The following HMGXB3 variants were observed in gnomAD, a reference collection of about 807,000 sequenced individuals.
HMGXB3 encodes HMG domain-containing protein 3.
A neutral mutation model predicts 121.5 loss-of-function variants in HMGXB3; 45 were observed. The observed-to-expected ratio is 0.37, with a 90% CI of 0.29 to 0.47. HMGXB3 has a LOEUF of 0.47. HMGXB3 is among the 20% of genes least tolerant of loss of function. The pLI is 0.99. For synonymous variants in HMGXB3, 590 were observed against 624.1 expected, an observed-to-expected ratio of 0.95 and a Z score of 0.81; for missense variants, 1,376 against 1,602.2, an observed-to-expected ratio of 0.86 and a Z score of 2.41.
intron 5 of HMGXB3, among the ~76,000 whole-genome samples, chr5:150,015,905 G>A (rs1486909509): frequency 5.9e-5 from 9 of 152,164 alleles, no homozygotes; most frequent in Non-Finnish European, 2.9e-5. Context: ...GGTCTGTCTT[G>A]ATAAATGTTA....
chr5:150,034,348 A>G (rs1437224111), intron 11 of HMGXB3, among the ~76,000 whole-genome samples: 1 of 152,196 alleles, frequency 6.6e-6, no homozygotes, highest in Non-Finnish European at 1.5e-5. Flanking sequence ...CCTGGAGCTT[A>G]CATATACAAA....
In HMGXB3 at chr5:150,041,925, G is replaced by T. The variant is rs1254654312; in HGVS notation, c.2686G>T (p.Ala896Ser). ...ICGVAPKVEM[A>S]QRSEENVLAL... Reference sequence around the variant, plus strand: ...TGGTGTGGCCCCCAAAGTGGAAATGGCTCAGAGGAGTGAAGAGAATGTGCT... The same window carrying T: ...TGGTGTGGCCCCCAAAGTGGAAATGTCTCAGAGGAGTGAAGAGAATGTGCT... The change falls in exon 15 of 20, where the codon GCT becomes TCT. Residue 896 changes from alanine to serine, a missense_variant. Physicochemically the swap from Ala to Ser is moderately conservative, Grantham distance 99. This residue lies in a region of HMGXB3 where 1,116 missense variants were observed against 1,369.0 expected (regional missense o/e 0.82). Transcript: ENST00000502717. 29 of 1,551,562 alleles carry T rather than the reference G, an allele frequency of 1.9e-5. 1 individual carries two copies. The Admixed American group carries it at 5.7e-4, about 30-fold the overall frequency.
chr5:150,036,115 A>G (rs749333282), intron 11 of HMGXB3, among the ~76,000 whole-genome samples: 4 of 152,212 alleles, frequency 2.6e-5, no homozygotes, highest in Non-Finnish European at 4.4e-5. Context: ...TGGCATATCC[A>G]GAACTGAAAC....
intron 6 of HMGXB3, chr5:150,021,952 C>T: frequency 2.2e-6 from 1 of 456,080 alleles, no homozygotes; most frequent in Non-Finnish European, 4.4e-6. Context: ...CCGACTTGTT[C>T]CTTGGCGAGA....
At chr5:150,026,554 G>A (rs983081527) in intron 7 of HMGXB3, among the ~76,000 whole-genome samples, 152 bp from the exon 8 acceptor site, 1 of 152,192 alleles carries the variant, frequency 6.6e-6, no homozygotes, top group Non-Finnish European at 1.5e-5. Flanking sequence ...GGGCCACACA[G>A]CTATTTAGTG....
chr5:150,035,282 C>G (rs1756475250), intron 11 of HMGXB3, among the ~76,000 whole-genome samples: 1 of 152,108 alleles, frequency 6.6e-6, no homozygotes, highest in African/African-American at 2.4e-5. Flanking sequence ...AGACTGCCTC[C>G]ACTCATGGTG....
Position 150,012,361 on chromosome 5 carries a change from C to G in HMGXB3, c.909+8C>G. On this transcript the variant is annotated splice_region_variant and intron_variant, in intron 5 of 19. Transcript: ENST00000502717. ...CCCACCTCCATCAAACTGGTCAGTA[C>G]TGTATGTGGGGGATTGATGGCAATT... 3.2e-6 allele frequency: 5 copies of G among 1,539,082 alleles called. No individual in the cohort carries two copies. The highest frequency in any genetic ancestry group is 4.4e-6 in the Non-Finnish European group (5 of 1,135,100).
At chr5:150,038,960 T>C (rs1012434187) in intron 13 of HMGXB3, among the ~76,000 whole-genome samples, 1 of 152,236 alleles carries the variant, frequency 6.6e-6, no homozygotes, top group Non-Finnish European at 1.5e-5. Flanking sequence ...GGTAAATACC[T>C]AGGAGTCAGA....
intron 5 of HMGXB3, among the ~76,000 whole-genome samples, chr5:150,017,438 A>G (rs1581250997): frequency 6.6e-6 from 1 of 152,324 alleles, no homozygotes; most frequent in African/African-American, 2.4e-5. Context: ...ACACGCCTAT[A>G]AAATAGGAAG....
At position 150,010,364 on chromosome 5, in the gene HMGXB3, C is replaced by A. The variant is rs915597579; in HGVS notation, c.566C>A (p.Ala189Asp). The change falls in exon 4 of 20, where the codon GCT becomes GAT. Residue 189 changes from alanine (A) to aspartate (D), a missense_variant. By Grantham distance (126) the Ala-to-Asp change is moderately radical (BLOSUM62 -2). This residue lies in a region of HMGXB3 where 1,116 missense variants were observed against 1,369.0 expected (regional missense o/e 0.82). Transcript: ENST00000502717. ...CAGTGCCTGGCTGTGGAGGCCCTGG[C>A]TGAGGAGGTGGGAGCCCTTACCCAG... ...AEQCLAVEAL[A>D]EEVGALTQSG... 6.4e-6 allele frequency: 10 copies of A among 1,551,540 alleles called. No homozygotes were observed. Among genetic ancestry groups the A allele is most frequent in the Non-Finnish European group, 2.6e-6 (3 of 1,146,992 alleles).
At chr5:150,025,904 C>T (rs1278393420) in intron 7 of HMGXB3, among the ~76,000 whole-genome samples, 1 of 151,828 alleles carries the variant, frequency 6.6e-6, no homozygotes, top group Non-Finnish European at 1.5e-5. Flanking sequence ...CATCTCGTCT[C>T]ACTGCAAGCT....
chr5:150,033,868 A>G (rs944352998), intron 11 of HMGXB3, among the ~76,000 whole-genome samples: 3 of 152,002 alleles, frequency 2.0e-5, no homozygotes, highest in Non-Finnish European at 2.9e-5. Flanking sequence ...GCTTGAGGTG[A>G]TGTTCTGAGG....
chr5:150,009,649 G>A (rs979467505), intron 3 of HMGXB3, among the ~76,000 whole-genome samples: 3 of 152,082 alleles, frequency 2.0e-5, no homozygotes, highest in Non-Finnish European at 4.4e-5. Flanking sequence ...TTTATTGAGC[G>A]TTATACATTC....
chr5:150,026,962 A>G, intron 8 of HMGXB3, 58 bp from the exon 9 acceptor site: 1 of 1,537,100 alleles, frequency 6.5e-7, no homozygotes, highest in East Asian at 2.5e-5. Flanking sequence ...ACGGACATAG[A>G]GACTTGGGGA....
chr5:150,003,404 C>T (rs1202105247), intron 1 of HMGXB3, among the ~76,000 whole-genome samples: 1 of 151,898 alleles, frequency 6.6e-6, no homozygotes, highest in Non-Finnish European at 1.5e-5. Flanking sequence ...CCTGCTTGGG[C>T]TTGGTGGCCT....
intron 9 of HMGXB3, among the ~76,000 whole-genome samples, 191 bp downstream of exon 9, chr5:150,027,308 T>A (rs1290659225): frequency 6.6e-6 from 1 of 152,244 alleles, no homozygotes; most frequent in Non-Finnish European, 1.5e-5. Context: ...TTTTTAAACC[T>A]TTTACTTAGA....
chr5:150,013,803 C>T (rs1755897576), intron 5 of HMGXB3, among the ~76,000 whole-genome samples: 1 of 152,204 alleles, frequency 6.6e-6, no homozygotes, highest in Non-Finnish European at 1.5e-5. Flanking sequence ...TTGTTCATAA[C>T]ATTCCCTTAT....
Position 150,004,927 on chromosome 5 carries a change from T to C in HMGXB3, c.75T>C (p.Ser25=). Residue 25 remains serine, a synonymous_variant, in exon 2 of 20, where the codon TCT becomes TCC. Transcript: ENST00000502717. ...EEIEEAYCYT[S]PGPPKKKKKY... is the part of the protein sequence containing the mutation. ...TTGAGGAAGCCTATTGTTACACCTC[T>C]CCTGGGCCACCCAAGAAGAAGAAAA... 3 of 1,551,834 alleles carry C rather than the reference T, an allele frequency of 1.9e-6. No individual in the cohort carries two copies. Among genetic ancestry groups the C allele is most frequent in the Non-Finnish European group, 2.6e-6 (3 of 1,146,984 alleles).
rs1000625537 is a variant in HMGXB3, at chr5:150,048,692, AAAT to A, written c.3201+10_3201+12del. ...CAAGGTGTGCCCCCATCAGGTAAGA[AAAT>A]AACTAGGGGGAGCTTGGAGTGAATT... On this transcript the variant is annotated splice_region_variant and intron_variant, in intron 18 of 19. Transcript: ENST00000502717. The A allele has an allele frequency of 2.9e-5, 44 of 1,512,820 alleles. No homozygotes were observed. Among genetic ancestry groups the A allele is most frequent in the Non-Finnish European group, 3.4e-5 (38 of 1,111,750 alleles). The allele number at this position is 1,512,820 out of a possible 1,614,324, so 93.7% of individuals were successfully genotyped here. A position where few individuals can be genotyped will look rare whatever the true frequency, so the allele number is the denominator to read the frequency against.
Sources: allele counts gnomAD v4.1 joint callset (sites outside exome capture counted in the v4.1 genomes callset), GRCh38; gene constraint gnomAD v4.1.1; regional missense constraint gnomAD v4.1.1; transcripts MANE v1.5; gene names NCBI Gene and HGNC (gene_info 2026-07-23, HGNC 2026-07-21).